Variants in ZNF385B observed in about 807,000 individuals in gnomAD.
ZNF385B encodes zinc finger protein 533.
A neutral mutation model predicts 39.2 loss-of-function variants in ZNF385B; 23 were observed. That is an observed-to-expected ratio of 0.59 (90% confidence interval 0.42 to 0.83). The LOEUF is 0.83. ZNF385B is among the 40% of genes least tolerant of loss of function. ZNF385B has a pLI of 0.00. For missense variants in ZNF385B, 552 were observed against 598.9 expected (o/e 0.92, Z 0.82); for synonymous variants, 205 against 222.6 (o/e 0.92, Z 0.70).
At chr2:179,508,312 A>G (rs1355667011) in intron 5 of ZNF385B, among the ~76,000 whole-genome samples, 1 of 152,236 alleles carries the variant, frequency 6.6e-6, no homozygotes, top group African/African-American at 2.4e-5. Flanking sequence ...ATAAATTTTC[A>G]GCTGAAGAAT....
chr2:179,745,914 A>G, intron 3 of ZNF385B: 1 of 1,250,898 alleles, frequency 8.0e-7, no homozygotes, highest in Non-Finnish European at 1.0e-6. Context: ...GGCTTATTGC[A>G]CTGCTCATTG....
At chr2:179,473,595 A>G (rs569342612) in intron 6 of ZNF385B, among the ~76,000 whole-genome samples, 1 of 152,208 alleles carries the variant, frequency 6.6e-6, no homozygotes, top group East Asian at 1.9e-4. Context: ...ACATAGGTAT[A>G]CCTGTGCCAT....
intron 3 of ZNF385B, among the ~76,000 whole-genome samples, chr2:179,746,874 C>A (rs1045535831): frequency 6.6e-6 from 1 of 152,034 alleles, no homozygotes; most frequent in Non-Finnish European, 1.5e-5. Flanking sequence ...ACAAAATATA[C>A]AGATTTGACA....
intron 3 of ZNF385B, among the ~76,000 whole-genome samples, chr2:179,714,164 G>T (rs1436040464): frequency 1.3e-5 from 2 of 152,102 alleles, no homozygotes; most frequent in South Asian, 2.1e-4. Flanking sequence ...GGAATAGGAA[G>T]GACCATGGAA....
intron 3 of ZNF385B, among the ~76,000 whole-genome samples, chr2:179,636,236 G>A (rs896938506): frequency 2.0e-5 from 3 of 152,158 alleles, no homozygotes; most frequent in Admixed American, 6.5e-5. Context: ...CTAGGACTGG[G>A]TGCTGTAGAG....
At chr2:179,493,681 A>ATATATGTATACGCATATGCATATATG (rs1559336508) in intron 5 of ZNF385B, among the ~76,000 whole-genome samples, 2 of 117,188 alleles carry the variant, frequency 1.7e-5, no homozygotes, top group African/African-American at 3.1e-5. Context: ...ATGCATATAC[A>ATATATGTATACGCATATGCATATATG]TATACACATA....
chr2:179,797,102 C>T (rs1215658977), intron 1 of ZNF385B, among the ~76,000 whole-genome samples: 1 of 152,124 alleles, frequency 6.6e-6, no homozygotes, highest in African/African-American at 2.4e-5. Context: ...AATATAATAA[C>T]TGTTTCACAG....
At chr2:179,712,645 G>A (rs2106387068) in intron 3 of ZNF385B, among the ~76,000 whole-genome samples, 1 of 152,232 alleles carries the variant, frequency 6.6e-6, no homozygotes, top group South Asian at 2.1e-4. Flanking sequence ...CAGCATCACT[G>A]AGGGCTTGTT....
At chr2:179,521,437 C>T (rs1049714037) in intron 4 of ZNF385B, among the ~76,000 whole-genome samples, 23 of 147,068 alleles carry the variant, frequency 1.6e-4, no homozygotes, top group South Asian at 1.1e-3. Context: ...TGACCTCAGG[C>T]GATCCGCCTG....
At chr2:179,855,357 A>G (rs1484435186) in intron 1 of ZNF385B, among the ~76,000 whole-genome samples, 1 of 152,232 alleles carries the variant, frequency 6.6e-6, no homozygotes, top group African/African-American at 2.4e-5. Context: ...TTTCCAAAAT[A>G]AAATGCTCTC....
intron 1 of ZNF385B, chr2:179,814,539 G>T: frequency 1.3e-6 from 1 of 776,778 alleles, no homozygotes; most frequent in Non-Finnish European, 2.1e-6. Flanking sequence ...CTTGGGGACT[G>T]GCAACAACAA....
intron 3 of ZNF385B, among the ~76,000 whole-genome samples, chr2:179,621,822 C>G (rs192057535): frequency 6.6e-6 from 1 of 152,112 alleles, no homozygotes. Context: ...ATAATTACTT[C>G]GGAAACAAAA....
chr2:179,761,024 G>T (rs543731191), intron 3 of ZNF385B, among the ~76,000 whole-genome samples: 3 of 152,098 alleles, frequency 2.0e-5, no homozygotes, highest in Admixed American at 1.3e-4. Context: ...ACTTGCTTTT[G>T]TACCTTTATC....
At chr2:179,552,484 A>G (rs1438790189) in intron 3 of ZNF385B, among the ~76,000 whole-genome samples, 1 of 149,498 alleles carries the variant, frequency 6.7e-6, no homozygotes, top group African/African-American at 2.5e-5. Context: ...GGGAGGCAAC[A>G]TCAATTATAG....
At chr2:179,858,240 T>C (rs1218231252) in intron 1 of ZNF385B, among the ~76,000 whole-genome samples, 1 of 152,152 alleles carries the variant, frequency 6.6e-6, no homozygotes. Flanking sequence ...AAAGCAAAGA[T>C]ACTGGGAGGG....
intron 3 of ZNF385B, among the ~76,000 whole-genome samples, chr2:179,697,549 G>A (rs1236019798): frequency 2.0e-5 from 3 of 152,048 alleles, no homozygotes; most frequent in South Asian, 2.1e-4. Flanking sequence ...ACACAGTCTC[G>A]GGCAGTTCTT....
chr2:179,712,489 A>G (rs905666071), intron 3 of ZNF385B, among the ~76,000 whole-genome samples: 2 of 152,092 alleles, frequency 1.3e-5, no homozygotes, highest in East Asian at 3.9e-4. Context: ...TCTTTTCACC[A>G]TGGCTCTCAT....
In ZNF385B at chr2:179,661,697, T is replaced by C. The variant is rs117785601; in HGVS notation, c.298+107806A>G. On this transcript the variant is annotated intron_variant, in intron 3 of 9. Transcript: ENST00000410066. ...CCATATTAATTAGAATCTAAGACTT[T>C]TCAAACACATTTTCACAGCTCTAAA... Among the ~76,000 whole-genome samples, 49 of 152,324 alleles carry C rather than the reference T, an allele frequency of 3.2e-4. No individual in the cohort carries two copies. In the East Asian group the frequency reaches 9.3e-3, roughly 29 times the overall value.
rs538460754 is a variant in ZNF385B at position 179,778,816 on chromosome 2, C to T, written c.-154-8144G>A. On this transcript the variant is annotated intron_variant, in intron 1 of 9. Coordinates refer to ENST00000410066, the MANE Select transcript of ZNF385B (RefSeq NM_152520.6). ...GATTGGAGAAAAATCTTCCATATTCCTACCAAAGTGAACCACAGTTTGTTA... is the reference window on the plus strand; with the variant it reads ...GATTGGAGAAAAATCTTCCATATTCTTACCAAAGTGAACCACAGTTTGTTA... Among the ~76,000 whole-genome samples, 95 of 152,146 alleles carry T rather than the reference C, an allele frequency of 6.2e-4. 2 individuals carry two copies. The South Asian group carries it at 0.019, about 31-fold the overall frequency.
Sources: allele counts gnomAD v4.1 joint callset (sites outside exome capture counted in the v4.1 genomes callset), GRCh38; gene constraint gnomAD v4.1.1; transcripts MANE v1.5; gene names NCBI Gene and HGNC (gene_info 2026-07-23, HGNC 2026-07-21).